Variants in EDA observed in about 807,000 individuals in gnomAD.
EDA encodes the protein ectodysplasin A.
Under a neutral mutation model 23.6 loss-of-function variants are expected in EDA, and 2 were observed. That is an observed-to-expected ratio of 0.08 (90% CI 0.03 to 0.27). The LOEUF is 0.27. EDA is among the 10% of genes least tolerant of loss of function. The pLI, the probability that EDA is intolerant of heterozygous loss-of-function variation, is 1.00. For missense variants in EDA, 229 were observed against 324.2 expected (o/e 0.71, Z 2.26); for synonymous variants, 131 against 132.0 (o/e 0.99, Z 0.05).
chrX:69,758,901 C>A, intron 1 of EDA, among the ~76,000 whole-genome samples: 1 of 111,501 alleles, frequency 9.0e-6, no homozygotes, highest in South Asian at 3.8e-4. Context: ...TCTTTTTTTT[C>A]CATTTGGATA....
At chrX:69,818,448 T>C (rs1419879426) in intron 1 of EDA, among the ~76,000 whole-genome samples, 1 of 108,444 alleles carries the variant, frequency 9.2e-6, no homozygotes, top group East Asian at 2.9e-4. Flanking sequence ...TTTTTGAAAA[T>C]ATTAATGAAA....
At chrX:69,675,916 G>A (rs1315764384) in intron 1 of EDA, among the ~76,000 whole-genome samples, 1 of 111,414 alleles carries the variant, frequency 9.0e-6, no homozygotes, top group Admixed American at 9.6e-5. Flanking sequence ...GCAAAGATCT[G>A]GAGGCAGTCA....
chrX:69,888,491 GAC>G (rs1834573528), intron 1 of EDA, among the ~76,000 whole-genome samples: 1 of 105,561 alleles, frequency 9.5e-6, no homozygotes, highest in Non-Finnish European at 1.9e-5. Context: ...CCAATCAAAA[GAC>G]AGAGTGACCG....
At chrX:69,940,033 T>A (rs2018734115) in intron 1 of EDA, among the ~76,000 whole-genome samples, 2 of 111,142 alleles carry the variant, frequency 1.8e-5, no homozygotes, top group Admixed American at 9.5e-5. Flanking sequence ...ATCAGGGATA[T>A]TGGCTTGTAG....
rs1285572540 is a variant in EDA, at chrX:69,659,765, C to T, written c.396+43061C>T. Among the ~76,000 whole-genome samples the T allele has an allele frequency of 2.7e-5, 3 of 111,406 alleles. No individual in the cohort carries two copies. In the Admixed American group the frequency reaches 2.9e-4, roughly 11 times the overall value. ...ACAAAAATTCTTGTGGTGTTGGAGG[C>T]AGTGTATGGTCTAAATGATCTGACT... On this transcript the variant is annotated intron_variant, in intron 1 of 7. Coordinates refer to ENST00000374552, the MANE Select transcript of EDA (RefSeq NM_001399.5).
chrX:69,740,567 T>G (rs774984517), intron 1 of EDA, among the ~76,000 whole-genome samples: 1 of 111,447 alleles, frequency 9.0e-6, no homozygotes, highest in Non-Finnish European at 1.9e-5. Flanking sequence ...TCTAGTTACT[T>G]TCAAGATTTT....
At chrX:69,842,933 G>T (rs764358673) in intron 1 of EDA, among the ~76,000 whole-genome samples, 12 of 111,759 alleles carry the variant, frequency 1.1e-4, no homozygotes, top group Non-Finnish European at 2.1e-4. Flanking sequence ...CCAAGCAGAT[G>T]CCAGCTTCAT....
At chrX:69,896,508 G>T (rs2147638209) in intron 1 of EDA, among the ~76,000 whole-genome samples, 1 of 110,407 alleles carries the variant, frequency 9.1e-6, no homozygotes, top group East Asian at 2.8e-4. Flanking sequence ...CAAATTTGGG[G>T]AGAAGAGGAC....
chrX:69,861,906 T>C (rs1411112572), intron 1 of EDA, among the ~76,000 whole-genome samples: 6 of 112,142 alleles, frequency 5.4e-5, no homozygotes, highest in Non-Finnish European at 1.1e-4. Flanking sequence ...GACAGTTTAA[T>C]ACATATTGAA....
intron 1 of EDA, among the ~76,000 whole-genome samples, chrX:69,701,876 G>T (rs896858208): frequency 9.0e-6 from 1 of 111,353 alleles, no homozygotes; most frequent in Non-Finnish European, 1.9e-5. Context: ...TCCCAGTGGG[G>T]GTCCTGGTTG....
intron 2 of EDA, among the ~76,000 whole-genome samples, chrX:69,971,384 GGAAT>G (rs1349995058): frequency 1.8e-5 from 2 of 112,222 alleles, no homozygotes; most frequent in African/African-American, 6.5e-5. Flanking sequence ...TATTAATTTG[GGAAT>G]GTCAAAGAAA....
chrX:69,975,790 C>T (rs1363156181), intron 2 of EDA, among the ~76,000 whole-genome samples: 1 of 111,147 alleles, frequency 9.0e-6, no homozygotes, highest in Non-Finnish European at 1.9e-5. Context: ...TGATTACATG[C>T]TGAAATTAAA....
Position 69,795,961 on chromosome X carries a change from G to T in EDA, c.397-161066G>T, listed in dbSNP as rs1432276032. Among the ~76,000 whole-genome samples, 3 of 111,282 alleles carry T rather than the reference G, an allele frequency of 2.7e-5. No homozygotes were observed. The Admixed American group carries it at 2.8e-4, about 11-fold the overall frequency. Reference sequence around the variant, plus strand: ...GTTAACACCTCAGAACTCCTCCAGGGGTCCTGAGGTAGGACCTACCCACCC... The same window carrying T: ...GTTAACACCTCAGAACTCCTCCAGGTGTCCTGAGGTAGGACCTACCCACCC... On this transcript the variant is annotated intron_variant, in intron 1 of 7. Transcript: ENST00000374552.
intron 1 of EDA, among the ~76,000 whole-genome samples, chrX:69,902,470 C>G (rs906113227): frequency 3.6e-5 from 4 of 111,211 alleles, no homozygotes; most frequent in Admixed American, 9.7e-5. Context: ...TGATGCATTC[C>G]TGCTGGAGAC....
chrX:70,022,011 C>T (rs922990496), intron 2 of EDA, among the ~76,000 whole-genome samples: 2 of 111,519 alleles, frequency 1.8e-5, no homozygotes, highest in Non-Finnish European at 3.8e-5. Flanking sequence ...CTCTTGAGGG[C>T]ACTGACAGTG....
At chrX:69,717,583 G>A (rs1325579416) in intron 1 of EDA, among the ~76,000 whole-genome samples, 1 of 103,650 alleles carries the variant, frequency 9.6e-6, no homozygotes, top group Non-Finnish European at 2.0e-5. Flanking sequence ...GCAGTGGCAC[G>A]ATCTCAGCTC....
At chrX:69,731,480 C>T (rs1349774408) in intron 1 of EDA, among the ~76,000 whole-genome samples, 1 of 108,357 alleles carries the variant, frequency 9.2e-6, no homozygotes, top group East Asian at 2.9e-4. Flanking sequence ...CTCATTCTGT[C>T]GCCCAGGCTG....
At chrX:69,685,995 CTTTCT>C (rs752682516) in intron 1 of EDA, among the ~76,000 whole-genome samples, 9 of 112,255 alleles carry the variant, frequency 8.0e-5, no homozygotes, top group African/African-American at 1.6e-4. Flanking sequence ...AATGGCATGT[CTTTCT>C]TTTCTTTTCT....
intron 2 of EDA, among the ~76,000 whole-genome samples, chrX:69,989,915 G>C (rs974753265): frequency 1.0e-5 from 1 of 100,133 alleles, no homozygotes; most frequent in African/African-American, 3.6e-5. Flanking sequence ...AAGGAGGGGA[G>C]AGAGAAAGAG....
Sources: gnomAD v4.1 joint callset for allele counts (sites outside exome capture counted in the v4.1 genomes callset) on GRCh38, gnomAD v4.1.1 for gene constraint, MANE v1.5 for transcripts, NCBI Gene and HGNC (gene_info 2026-07-23, HGNC 2026-07-21) for gene names.